The following L3MBTL4 variants were observed in gnomAD, a reference collection of about 807,000 sequenced individuals.
L3MBTL4 encodes the protein lethal(3)malignant brain tumor-like protein 4.
Under a neutral mutation model 84.5 loss-of-function variants are expected in L3MBTL4, and 70 were observed. That is an observed-to-expected ratio of 0.83 (90% CI 0.68 to 1.01). L3MBTL4 has a LOEUF of 1.01. L3MBTL4 is among the 50% of genes least tolerant of loss of function. The pLI is 0.00. For synonymous variants in L3MBTL4, 274 were observed against 259.8 expected (o/e 1.05, Z -0.52); for missense variants, 715 against 754.8 (o/e 0.95, Z 0.62).
intron 16 of L3MBTL4, among the ~76,000 whole-genome samples, chr18:6,002,197 CA>C (rs2054246149): frequency 1.3e-5 from 2 of 152,010 alleles, no homozygotes; most frequent in South Asian, 4.2e-4. Flanking sequence ...CTATATAAGC[CA>C]AACTCTCTTG....
intron 1 of L3MBTL4, among the ~76,000 whole-genome samples, chr18:6,371,944 T>C (rs1205885660): frequency 6.6e-6 from 1 of 152,168 alleles, no homozygotes; most frequent in African/African-American, 2.4e-5. Flanking sequence ...AACACAGGCC[T>C]GAAGCCATAA....
intron 9 of L3MBTL4, among the ~76,000 whole-genome samples, chr18:6,238,319 G>A (rs772112007): frequency 5.3e-5 from 8 of 152,192 alleles, no homozygotes; most frequent in Non-Finnish European, 1.2e-4. Flanking sequence ...GGATCATGAG[G>A]TCAGGAGATC....
At chr18:6,107,063 G>A in intron 14 of L3MBTL4, among the ~76,000 whole-genome samples, 1 of 152,212 alleles carries the variant, frequency 6.6e-6, no homozygotes, top group Non-Finnish European at 1.5e-5. Flanking sequence ...TACTTATTAA[G>A]CATTTAATAT....
intron 14 of L3MBTL4, among the ~76,000 whole-genome samples, chr18:6,121,656 A>G (rs1237003136): frequency 6.6e-6 from 1 of 152,074 alleles, no homozygotes. Context: ...TATTTTTTAA[A>G]TAAATCATAA....
intron 13 of L3MBTL4, among the ~76,000 whole-genome samples, chr18:6,163,798 G>A (rs9955754): frequency 0.016 from 2,505 of 152,262 alleles, 74 homozygotes; most frequent in African/African-American, 0.056. Context: ...CTGAGGTACC[G>A]GGTTCATCAC....
chr18:6,118,800 T>C (rs1754774701), intron 14 of L3MBTL4, among the ~76,000 whole-genome samples: 1 of 152,120 alleles, frequency 6.6e-6, no homozygotes, highest in South Asian at 2.1e-4. Flanking sequence ...AAAATACTGG[T>C]AAGTAACACC....
intron 16 of L3MBTL4, among the ~76,000 whole-genome samples, chr18:6,006,590 G>C (rs1025221227): frequency 5.5e-4 from 83 of 152,258 alleles, no homozygotes; most frequent in African/African-American, 2.0e-3. Flanking sequence ...GCAGGCAAAT[G>C]ACTACCCCAT....
At chr18:6,250,565 G>C (rs2047880283) in intron 5 of L3MBTL4, among the ~76,000 whole-genome samples, 1 of 152,108 alleles carries the variant, frequency 6.6e-6, no homozygotes, top group Non-Finnish European at 1.5e-5. Context: ...CCCCTCAATA[G>C]TCTATGTTAT....
At chr18:6,194,944 T>C (rs573418431) in intron 12 of L3MBTL4, among the ~76,000 whole-genome samples, 38 of 152,280 alleles carry the variant, frequency 2.5e-4, no homozygotes, top group Non-Finnish European at 4.3e-4. Context: ...CTACATGAAA[T>C]TGAAGTTCTG....
At chr18:5,962,529 G>A (rs2095268687) in intron 17 of L3MBTL4, among the ~76,000 whole-genome samples, 1 of 152,276 alleles carries the variant, frequency 6.6e-6, no homozygotes, top group South Asian at 2.1e-4. Flanking sequence ...CTGAGCCTTG[G>A]CACTCCACCC....
chr18:6,155,964 G>A (rs1343915448), intron 13 of L3MBTL4, among the ~76,000 whole-genome samples: 2 of 152,024 alleles, frequency 1.3e-5, no homozygotes, highest in Admixed American at 1.3e-4. Flanking sequence ...ATTTTTAAAT[G>A]TTTCTAATAC....
chr18:6,020,983 G>T (rs1028000553), intron 16 of L3MBTL4, among the ~76,000 whole-genome samples: 1 of 152,112 alleles, frequency 6.6e-6, no homozygotes, highest in Admixed American at 6.5e-5. Context: ...ATTTGAAGTC[G>T]GATAGAGAAA....
At chr18:5,976,225 T>C (rs1403074387) in intron 16 of L3MBTL4, among the ~76,000 whole-genome samples, 2 of 152,232 alleles carry the variant, frequency 1.3e-5, no homozygotes, top group Admixed American at 6.5e-5. Flanking sequence ...GAATGTAAAA[T>C]ATCTCCTTAA....
At chr18:6,031,810 GGTTT>G (rs905953615) in intron 16 of L3MBTL4, 8 of 912,136 alleles carry the variant, frequency 8.8e-6, no homozygotes, top group Non-Finnish European at 1.0e-5. Flanking sequence ...TCAGATTCAT[GGTTT>G]TTTTTTTTTT....
At chr18:6,380,351 TCTG>T (rs1479407341) in intron 1 of L3MBTL4, among the ~76,000 whole-genome samples, 1 of 152,218 alleles carries the variant, frequency 6.6e-6, no homozygotes, top group African/African-American at 2.4e-5. Context: ...TTTCTTGTCT[TCTG>T]CTACCTTTTG....
chr18:6,286,775 C>A lies in L3MBTL4; in HGVS notation c.127+15128G>T, dbSNP rs543775976. On this transcript the variant is annotated intron_variant, in intron 4 of 18. Coordinates refer to ENST00000317931, the MANE Select transcript of L3MBTL4 (RefSeq NM_001330559.2). The stretch of plus-strand genomic sequence containing the variant: ...CTGTTTCCCTCCAGGTCACCTCTCT[C>A]TCCCCACCCACACTGAGTCTCTCTT... 2.0e-5 allele frequency among the ~76,000 whole-genome samples: 3 copies of A among 152,252 alleles called. No individual in the cohort carries two copies. In the South Asian group the frequency reaches 6.2e-4, roughly 32 times the overall value.
chr18:6,389,396 C>T (rs2054952475), intron 1 of L3MBTL4, among the ~76,000 whole-genome samples: 1 of 152,014 alleles, frequency 6.6e-6, no homozygotes, highest in African/African-American at 2.4e-5. Flanking sequence ...ACAAAGAAAA[C>T]AAAGTAGCTA....
intron 4 of L3MBTL4, among the ~76,000 whole-genome samples, chr18:6,297,913 A>T (rs1377103949): frequency 6.6e-6 from 1 of 152,202 alleles, no homozygotes; most frequent in East Asian, 1.9e-4. Context: ...GTCTACACAC[A>T]ATGTTGTACC....
intron 16 of L3MBTL4, among the ~76,000 whole-genome samples, chr18:6,077,538 C>A (rs890477013): frequency 8.6e-5 from 13 of 152,006 alleles, no homozygotes; most frequent in African/African-American, 3.1e-4. Context: ...GCCAAGCATA[C>A]ATATGGTGAA....
Sources: gnomAD v4.1 joint callset for allele counts (sites outside exome capture counted in the v4.1 genomes callset) on GRCh38, gnomAD v4.1.1 for gene constraint, MANE v1.5 for transcripts, NCBI Gene and HGNC (gene_info 2026-07-23, HGNC 2026-07-21) for gene names.